KCNQ3: variants seen among roughly 807,000 people sequenced by gnomAD.
KCNQ3 encodes the protein potassium voltage-gated channel subfamily Q member 3.
In KCNQ3, 30 loss-of-function variants were observed where a neutral mutation model predicts 92.5. That is an observed-to-expected ratio of 0.32 (90% CI 0.24 to 0.44). The LOEUF (loss-of-function observed/expected upper bound fraction) is 0.44, where lower values mean the gene tolerates loss of function less well. Among genes scored for constraint, KCNQ3 ranks in the 20% least tolerant of loss-of-function variants. The pLI, the probability that KCNQ3 is intolerant of heterozygous loss-of-function variation, is 1.00. For synonymous variants in KCNQ3, 450 were observed against 468.8 expected (o/e 0.96, Z 0.52); for missense variants, 913 against 1,140.3 (o/e 0.80, Z 2.87).
At chr8:132,438,606 G>A (rs550828547) in intron 1 of KCNQ3, among the ~76,000 whole-genome samples, 1 of 152,208 alleles carries the variant, frequency 6.6e-6, no homozygotes, top group East Asian at 1.9e-4. Flanking sequence ...ACATCTCTGA[G>A]AGTGATGATG....
At chr8:132,360,214 T>C (rs1177808110) in intron 1 of KCNQ3, among the ~76,000 whole-genome samples, 1 of 152,192 alleles carries the variant, frequency 6.6e-6, no homozygotes, top group East Asian at 1.9e-4. Context: ...TCCTCCCCAT[T>C]GCTTCTGTTG....
chr8:132,282,916 G>A (rs1454408720), intron 1 of KCNQ3, among the ~76,000 whole-genome samples: 3 of 152,256 alleles, frequency 2.0e-5, no homozygotes, highest in East Asian at 1.9e-4. Context: ...GAAAAAAGCC[G>A]GCAGGAGAGA....
At chr8:132,446,900 C>T (rs1354392145) in intron 1 of KCNQ3, among the ~76,000 whole-genome samples, 20 of 152,168 alleles carry the variant, frequency 1.3e-4, no homozygotes, top group Admixed American at 1.3e-3. Flanking sequence ...GAATTTAAAG[C>T]CAGAAGCACG....
intron 7 of KCNQ3, 36 bp downstream of exon 7, chr8:132,172,562 T>G (rs1334377943): frequency 4.5e-6 from 7 of 1,567,282 alleles, no homozygotes; most frequent in Non-Finnish European, 6.2e-6. Flanking sequence ...TGCATGGATC[T>G]TAATCCCATT....
At chr8:132,384,243 T>C (rs1469369009) in intron 1 of KCNQ3, among the ~76,000 whole-genome samples, 1 of 152,202 alleles carries the variant, frequency 6.6e-6, no homozygotes, top group African/African-American at 2.4e-5. Context: ...CTATAGCTCT[T>C]ATTTTTGTGT....
At chr8:132,189,513 A>G (rs758838929) in intron 1 of KCNQ3, among the ~76,000 whole-genome samples, 2 of 152,182 alleles carry the variant, frequency 1.3e-5, no homozygotes, top group Non-Finnish European at 2.9e-5. Flanking sequence ...TGAGACTGCT[A>G]AACTACTTAG....
At chr8:132,338,904 G>A (rs975608893) in intron 1 of KCNQ3, among the ~76,000 whole-genome samples, 8 of 152,198 alleles carry the variant, frequency 5.3e-5, no homozygotes, top group African/African-American at 9.6e-5. Context: ...CTTGTACAAC[G>A]TGGGTCAGGG....
intron 1 of KCNQ3, among the ~76,000 whole-genome samples, chr8:132,311,926 TG>T (rs1817605138): frequency 6.6e-6 from 1 of 152,082 alleles, no homozygotes; most frequent in African/African-American, 2.4e-5. Context: ...TGGAGTTGCG[TG>T]GGAACTAAAT....
intron 3 of KCNQ3, among the ~76,000 whole-genome samples, chr8:132,181,073 G>T (rs982165442): frequency 2.0e-5 from 3 of 152,164 alleles, no homozygotes; most frequent in Admixed American, 1.3e-4. Context: ...ATTTTGGAAA[G>T]ATGTAAGGCC....
intron 1 of KCNQ3, among the ~76,000 whole-genome samples, chr8:132,431,469 G>A (rs922823460): frequency 6.6e-6 from 1 of 152,206 alleles, no homozygotes; most frequent in Non-Finnish European, 1.5e-5. Context: ...AGGGAGGTCG[G>A]TGATGTCCCT....
intron 1 of KCNQ3, among the ~76,000 whole-genome samples, chr8:132,252,363 G>A (rs994420860): frequency 2.0e-5 from 3 of 152,098 alleles, no homozygotes; most frequent in Non-Finnish European, 4.4e-5. Context: ...GACCTTTGCA[G>A]TGAGTGTTAC....
chr8:132,396,949 C>T (rs2721904), intron 1 of KCNQ3, among the ~76,000 whole-genome samples: 45,284 of 149,704 alleles, frequency 0.3, 8,239 homozygotes, highest in South Asian at 0.44. Context: ...TGTGTGTGTG[C>T]GTGTGTGTGT....
rs933645212 is a variant in KCNQ3 at position 132,200,580 on chromosome 8, G to A, written c.387-14399C>T. On this transcript the variant is annotated intron_variant, in intron 1 of 14. Coordinates refer to ENST00000388996, the MANE Select transcript of KCNQ3 (RefSeq NM_004519.4). ...CTAATCTTAAAAACACCCCTGTCGT[G>A]TTAGATAATGGAGCATTTAAAATGA... 2.6e-5 allele frequency among the ~76,000 whole-genome samples: 4 copies of A among 152,140 alleles called. No homozygotes were observed. The East Asian group carries it at 7.7e-4, about 29-fold the overall frequency.
Position 132,124,023 on chromosome 8 carries a change from A to G in KCNQ3, c.*5239T>C, listed in dbSNP as rs1479996288. 6.6e-6 allele frequency: 1 copy of G among 152,064 alleles called. No homozygotes were observed. The highest frequency in any genetic ancestry group is 6.6e-5 in the Admixed American group (1 of 15,262). The allele number at this position is 152,064 out of a possible 1,614,324, so 9.4% of individuals were successfully genotyped here. A position where few individuals can be genotyped will look rare whatever the true frequency, so the allele number is the denominator to read the frequency against. ...GAAATCATGAGTCTTTTATTTTTGCAATTTGGCTTTATCTCCTACACATCA... is the reference window on the plus strand; with the variant it reads ...GAAATCATGAGTCTTTTATTTTTGCGATTTGGCTTTATCTCCTACACATCA... On this transcript the variant is annotated 3_prime_UTR_variant, in exon 15 of 15. Transcript: ENST00000388996.
At chr8:132,218,215 A>G (rs1814105077) in intron 1 of KCNQ3, among the ~76,000 whole-genome samples, 1 of 152,208 alleles carries the variant, frequency 6.6e-6, no homozygotes, top group Non-Finnish European at 1.5e-5. Context: ...GACATAAAGT[A>G]GAAAAATAAT....
intron 1 of KCNQ3, among the ~76,000 whole-genome samples, chr8:132,240,124 A>G (rs1371604558): frequency 6.6e-6 from 1 of 151,606 alleles, no homozygotes; most frequent in Non-Finnish European, 1.5e-5. Flanking sequence ...TCCTCATGCC[A>G]CTAAATTTTG....
At chr8:132,249,649 G>A (rs558595738) in intron 1 of KCNQ3, among the ~76,000 whole-genome samples, 61 of 152,348 alleles carry the variant, frequency 4.0e-4, no homozygotes, top group Non-Finnish European at 4.0e-4. Flanking sequence ...GTCCCACGCC[G>A]TGCGCCTGCA....
intron 1 of KCNQ3, among the ~76,000 whole-genome samples, chr8:132,387,668 C>T (rs886472310): frequency 2.0e-5 from 3 of 152,068 alleles, no homozygotes; most frequent in African/African-American, 2.4e-5. Context: ...TTACTGTCCT[C>T]AGTAAATAAA....
intron 1 of KCNQ3, among the ~76,000 whole-genome samples, chr8:132,246,996 T>C (rs1472567412): frequency 6.6e-6 from 1 of 152,222 alleles, no homozygotes; most frequent in African/African-American, 2.4e-5. Flanking sequence ...CCCAAGAAAT[T>C]ACAGTCACAG....
Sources: gnomAD v4.1 joint callset for allele counts (sites outside exome capture counted in the v4.1 genomes callset) on GRCh38, gnomAD v4.1.1 for gene constraint, MANE v1.5 for transcripts, NCBI Gene and HGNC (gene_info 2026-07-23, HGNC 2026-07-21) for gene names.